Variants in COL19A1 observed in about 807,000 individuals in gnomAD.
COL19A1 encodes the protein collagen type XIX alpha 1 chain, also known as collagen alpha-1(XIX) chain.
A neutral mutation model predicts 190.2 loss-of-function variants in COL19A1; 159 were observed. The ratio of observed to expected loss-of-function variants is 0.84; its 90% CI spans 0.73 to 0.95. The LOEUF (loss-of-function observed/expected upper bound fraction) is 0.95. Among genes scored for constraint, COL19A1 ranks in the 40% least tolerant of loss-of-function variants. COL19A1 has a pLI of 0.00. For missense variants in COL19A1, 1,418 were observed against 1,431.9 expected (o/e 0.99, Z 0.16); for synonymous variants, 509 against 458.9 (o/e 1.11, Z -1.39).
intron 15 of COL19A1, among the ~76,000 whole-genome samples, chr6:70,096,564 CA>C (rs1783289085): frequency 6.6e-6 from 1 of 152,084 alleles, no homozygotes; most frequent in African/African-American, 2.4e-5. Context: ...AATCTTAGCA[CA>C]AAAGGATTCT....
chr6:70,122,546 AT>A (rs1272261715), intron 17 of COL19A1, among the ~76,000 whole-genome samples: 1 of 152,178 alleles, frequency 6.6e-6, no homozygotes, highest in Non-Finnish European at 1.5e-5. Context: ...TCTAGGTGAG[AT>A]CATTGATTGA....
chr6:70,072,452 G>A (rs1188763219), intron 15 of COL19A1, among the ~76,000 whole-genome samples: 1 of 152,104 alleles, frequency 6.6e-6, no homozygotes, highest in African/African-American at 2.4e-5. Context: ...GGACCAAGAT[G>A]ACACCTCACT....
chr6:70,061,614 T>C (rs1379044883), intron 14 of COL19A1, among the ~76,000 whole-genome samples: 1 of 152,172 alleles, frequency 6.6e-6, no homozygotes, highest in Non-Finnish European at 1.5e-5. Context: ...ACATAATTTC[T>C]TTAAATAGTA....
intron 27 of COL19A1, among the ~76,000 whole-genome samples, chr6:70,147,218 A>G (rs1467282521): frequency 6.6e-6 from 1 of 152,178 alleles, no homozygotes; most frequent in Non-Finnish European, 1.5e-5. Context: ...AGGTCAATAT[A>G]TATTACAGCT....
rs56362588 is a variant in COL19A1, at chr6:70,181,656, AACAC to A, written c.2775+1155_2775+1158del. On this transcript the variant is annotated intron_variant, in intron 44 of 50. Coordinates refer to ENST00000620364, the MANE Select transcript of COL19A1 (RefSeq NM_001858.6). Reference sequence around the variant, plus strand: ...CTAATATAGGAAAACAGATAAAAACAACACACACACACACACACACACACAGAGT... The same window carrying A: ...CTAATATAGGAAAACAGATAAAAACAACACACACACACACACACACAGAGT... Among the ~76,000 whole-genome samples, 64 of 147,930 alleles carry A rather than the reference AACAC, an allele frequency of 4.3e-4. 1 individual carries two copies. The East Asian group carries it at 7.5e-3, about 17-fold the overall frequency.
chr6:70,168,368 A>G (rs1464757477), intron 39 of COL19A1, among the ~76,000 whole-genome samples, 153 bp downstream of exon 39: 1 of 152,228 alleles, frequency 6.6e-6, no homozygotes, highest in Non-Finnish European at 1.5e-5. Context: ...AATTATAATA[A>G]AATTGAGAAA....
intron 15 of COL19A1, among the ~76,000 whole-genome samples, chr6:70,071,538 C>T (rs945531399): frequency 1.3e-5 from 2 of 152,032 alleles, no homozygotes; most frequent in East Asian, 3.8e-4. Context: ...TCCTGATTTT[C>T]ATTTTTTGGA....
intron 1 of COL19A1, among the ~76,000 whole-genome samples, chr6:69,869,103 G>C (rs985431838): frequency 6.6e-6 from 1 of 152,000 alleles, no homozygotes; most frequent in African/African-American, 2.4e-5. Context: ...CATTGAGGAT[G>C]TACATCTTAA....
intron 47 of COL19A1, among the ~76,000 whole-genome samples, chr6:70,189,657 T>G (rs1366916099): frequency 6.6e-6 from 1 of 152,254 alleles, no homozygotes; most frequent in African/African-American, 2.4e-5. Context: ...GTCAAATGCA[T>G]GTGGATTTAC....
intron 22 of COL19A1, 106 bp from the exon 23 acceptor site, chr6:70,142,661 C>A: frequency 1.1e-6 from 1 of 948,934 alleles, no homozygotes; most frequent in Non-Finnish European, 1.6e-6. Context: ...GAAAGTTGGT[C>A]TTCCTATACA....
At chr6:70,080,786 GC>G (rs1165394863) in intron 15 of COL19A1, among the ~76,000 whole-genome samples, 4 of 152,126 alleles carry the variant, frequency 2.6e-5, no homozygotes, top group African/African-American at 4.8e-5. Flanking sequence ...GCGAGGAAAT[GC>G]CAAGGGACTG....
intron 15 of COL19A1, among the ~76,000 whole-genome samples, chr6:70,090,061 C>A (rs907580951): frequency 6.6e-6 from 1 of 151,884 alleles, no homozygotes; most frequent in African/African-American, 2.4e-5. Context: ...ACCTGTAGTC[C>A]CAGCTACTTG....
intron 11 of COL19A1, among the ~76,000 whole-genome samples, chr6:69,985,504 C>G (rs780402728): frequency 6.6e-6 from 1 of 151,830 alleles, no homozygotes. Flanking sequence ...AAAATTAGGA[C>G]CACTTTAAAA....
intron 11 of COL19A1, among the ~76,000 whole-genome samples, chr6:69,965,040 T>C (rs1360341016): frequency 6.6e-6 from 1 of 152,248 alleles, no homozygotes; most frequent in African/African-American, 2.4e-5. Flanking sequence ...GAAAAGTCTA[T>C]GAAACATTCA....
chr6:69,959,305 T>C (rs372887196), intron 9 of COL19A1, among the ~76,000 whole-genome samples: 9 of 152,248 alleles, frequency 5.9e-5, no homozygotes, highest in African/African-American at 2.2e-4. Flanking sequence ...GTATTCAAAA[T>C]TGATCTAATG....
At chr6:69,955,356 A>C (rs1006917350) in intron 9 of COL19A1, among the ~76,000 whole-genome samples, 1 of 152,146 alleles carries the variant, frequency 6.6e-6, no homozygotes, top group Non-Finnish European at 1.5e-5. Flanking sequence ...CTCTTAGTAC[A>C]ACTTGTATTT....
chr6:70,169,211 A>C (rs867996650), intron 40 of COL19A1, among the ~76,000 whole-genome samples: 1 of 152,230 alleles, frequency 6.6e-6, no homozygotes, highest in East Asian at 1.9e-4. Context: ...CATGTCCTCC[A>C]GCCGCCTAAA....
At chr6:70,116,725 G>A (rs1028601798) in intron 16 of COL19A1, among the ~76,000 whole-genome samples, 2 of 152,018 alleles carry the variant, frequency 1.3e-5, no homozygotes, top group East Asian at 1.9e-4. Flanking sequence ...CACTGGAAAT[G>A]TTTCTTGAAA....
In COL19A1 at chr6:70,161,553, G is replaced by A. The variant is rs3763249; in HGVS notation, c.2293-347G>A. ...GCAAAAGCATACAGAGTGATATAAT[G>A]GACGTTGGAGGCCCAGAAGTGAGGA... is the stretch of plus-strand genomic sequence containing the variant. On this transcript the variant is annotated intron_variant, in intron 34 of 50. Transcript: ENST00000620364. Among the ~76,000 whole-genome samples the A allele has an allele frequency of 1.2e-3, 176 of 152,182 alleles. 6 individuals are homozygous for A. In the East Asian group the frequency reaches 0.03, roughly 26 times the overall value.
Sources: gnomAD v4.1 joint callset for allele counts (sites outside exome capture counted in the v4.1 genomes callset) on GRCh38, gnomAD v4.1.1 for gene constraint, MANE v1.5 for transcripts, NCBI Gene and HGNC (gene_info 2026-07-23, HGNC 2026-07-21) for gene names.